The following TSPAN9 variants were observed in gnomAD, a reference collection of about 807,000 sequenced individuals.
TSPAN9 encodes tetraspanin-9.
In TSPAN9, 16 loss-of-function variants were observed where a neutral mutation model predicts 31.0. That is an observed-to-expected ratio of 0.52 (90% CI 0.35 to 0.78). The LOEUF (loss-of-function observed/expected upper bound fraction) is 0.78. Among genes scored for constraint, TSPAN9 ranks in the 30% least tolerant of loss-of-function variants. TSPAN9 has a pLI of 0.01. For missense variants in TSPAN9, 272 were observed against 312.5 expected, an observed-to-expected ratio of 0.87 and a Z score of 0.98; for synonymous variants, 145 against 121.6, an observed-to-expected ratio of 1.19 and a Z score of -1.27.
intron 3 of TSPAN9, among the ~76,000 whole-genome samples, chr12:3,244,622 C>T (rs745687831): frequency 5.3e-5 from 8 of 152,312 alleles, no homozygotes; most frequent in Non-Finnish European, 1.0e-4. Flanking sequence ...AGGCAGACAG[C>T]GAGCGCCAGT....
At chr12:3,111,699 C>A (rs998900588) in intron 2 of TSPAN9, among the ~76,000 whole-genome samples, 5 of 151,528 alleles carry the variant, frequency 3.3e-5, no homozygotes, top group Non-Finnish European at 7.4e-5. Flanking sequence ...CTGCAGCCTC[C>A]GCTTTCTTGG....
chr12:3,092,698 C>A (rs752648825), intron 2 of TSPAN9, among the ~76,000 whole-genome samples: 1 of 152,242 alleles, frequency 6.6e-6, no homozygotes, highest in African/African-American at 2.4e-5. Flanking sequence ...ACCTTACCCA[C>A]TGCTTATCCA....
At chr12:3,113,847 A>C (rs888852068) in intron 2 of TSPAN9, among the ~76,000 whole-genome samples, 1 of 152,178 alleles carries the variant, frequency 6.6e-6, no homozygotes, top group Non-Finnish European at 1.5e-5. Flanking sequence ...CCATGTCCCC[A>C]GGTCCAGAGG....
chr12:3,158,720 T>TCAA (rs2098343602), intron 2 of TSPAN9, among the ~76,000 whole-genome samples: 1 of 8,196 alleles, frequency 1.2e-4, no homozygotes, highest in Non-Finnish European at 4.0e-4. Context: ...AGACTCTGTC[T>TCAA]CAAAAAAAAA....
chr12:3,221,028 CT>C (rs541713828), intron 3 of TSPAN9, among the ~76,000 whole-genome samples: 1 of 152,226 alleles, frequency 6.6e-6, no homozygotes, highest in African/African-American at 2.4e-5. Context: ...TCAGGCTGAA[CT>C]TTTGCAAGCC....
rs552760455 is a variant in TSPAN9 at position 3,183,283 on chromosome 12, C to A, written c.-17-17894C>A. 5.9e-5 allele frequency among the ~76,000 whole-genome samples: 9 copies of A among 152,306 alleles called. No homozygotes were observed. The East Asian group carries it at 1.7e-3, about 29-fold the overall frequency. ...CTTGGGCTGAACAGAGGGATTTAGG[C>A]AGATCTGAGATCTGTCCCCTCTCAA... On this transcript the variant is annotated intron_variant, in intron 2 of 8. Transcript: ENST00000011898.
intron 3 of TSPAN9, among the ~76,000 whole-genome samples, chr12:3,257,913 C>A (rs976601124): frequency 2.6e-5 from 4 of 152,156 alleles, no homozygotes; most frequent in African/African-American, 9.7e-5. Flanking sequence ...TTCTGCAGGA[C>A]AAGCAGGCCC....
intron 2 of TSPAN9, among the ~76,000 whole-genome samples, chr12:3,129,373 C>T (rs746880756): frequency 2.6e-5 from 4 of 152,138 alleles, no homozygotes; most frequent in African/African-American, 9.7e-5. Flanking sequence ...GCATTGGATC[C>T]GTCTATCCAT....
intron 3 of TSPAN9, among the ~76,000 whole-genome samples, chr12:3,262,041 G>A (rs937325245): frequency 6.6e-6 from 1 of 152,248 alleles, no homozygotes; most frequent in Non-Finnish European, 1.5e-5. Context: ...CCAGACTCTA[G>A]CTCCCTTGAG....
chr12:3,212,008 G>A (rs553907142), intron 3 of TSPAN9: 41 of 747,974 alleles, frequency 5.5e-5, no homozygotes, highest in African/African-American at 2.6e-4. Flanking sequence ...ATCTTTCTCC[G>A]TCACCCAGGC....
intron 3 of TSPAN9, among the ~76,000 whole-genome samples, chr12:3,221,209 T>C (rs1483513751): frequency 6.6e-6 from 1 of 152,138 alleles, no homozygotes; most frequent in Non-Finnish European, 1.5e-5. Flanking sequence ...CCTTCCCTTA[T>C]TCATTTATTC....
intron 2 of TSPAN9, among the ~76,000 whole-genome samples, chr12:3,125,958 G>A (rs369536160): frequency 1.3e-5 from 2 of 152,144 alleles, no homozygotes; most frequent in East Asian, 3.8e-4. Flanking sequence ...GCTGGCCTTT[G>A]TGGCAATATT....
chr12:3,261,438 A>G (rs1269884282), intron 3 of TSPAN9, among the ~76,000 whole-genome samples: 1 of 152,192 alleles, frequency 6.6e-6, no homozygotes, highest in East Asian at 1.9e-4. Context: ...GCTGGGATTC[A>G]GAACCTAGGC....
intron 3 of TSPAN9, among the ~76,000 whole-genome samples, chr12:3,226,880 A>G (rs1008415327): frequency 7.5e-5 from 11 of 145,868 alleles, no homozygotes; most frequent in African/African-American, 1.8e-4. Flanking sequence ...CAACAGGCAT[A>G]CACCACTGTG....
At chr12:3,223,737 C>T (rs1591687853) in intron 3 of TSPAN9, among the ~76,000 whole-genome samples, 1 of 152,202 alleles carries the variant, frequency 6.6e-6, no homozygotes, top group Non-Finnish European at 1.5e-5. Flanking sequence ...GAGACCGGGA[C>T]TACAAGTGTT....
chr12:3,257,082 C>T (rs1280447377), intron 3 of TSPAN9, among the ~76,000 whole-genome samples: 1 of 152,140 alleles, frequency 6.6e-6, no homozygotes, highest in Non-Finnish European at 1.5e-5. Context: ...AGACCGCTCC[C>T]CACCAAGTTT....
intron 3 of TSPAN9, among the ~76,000 whole-genome samples, chr12:3,226,740 GTGTGTATATATATATATATATATA>G (rs1346208867): frequency 0.017 from 218 of 13,152 alleles, 42 homozygotes; most frequent in Middle Eastern, 0.05. Context: ...GTGTGTGTGT[GTGTGTATATATATATATATATATA>G]TATATATATA....
At chr12:3,242,537 C>T (rs1017872217) in intron 3 of TSPAN9, among the ~76,000 whole-genome samples, 9 of 152,238 alleles carry the variant, frequency 5.9e-5, no homozygotes, top group African/African-American at 2.2e-4. Context: ...CCCTGGTGGC[C>T]AGGTGTTTCT....
intron 2 of TSPAN9, among the ~76,000 whole-genome samples, chr12:3,116,219 T>C (rs2098322316): frequency 6.6e-6 from 1 of 152,226 alleles, no homozygotes. Context: ...CTGCTGCCCC[T>C]ATAAGCTGCA....
Sources: allele counts gnomAD v4.1 joint callset (sites outside exome capture counted in the v4.1 genomes callset), GRCh38; gene constraint gnomAD v4.1.1; transcripts MANE v1.5; gene names NCBI Gene and HGNC (gene_info 2026-07-23, HGNC 2026-07-21).